The following PVT1 variants were observed in gnomAD, a reference collection of about 807,000 sequenced individuals.
PVT1 encodes Pvt1 oncogene, also known as CXCR4/PVT1 fusion.
chr8:128,036,552 G>A (rs1056687900), intron 4 of PVT1, among the ~76,000 whole-genome samples: 12 of 152,276 alleles, frequency 7.9e-5, no homozygotes, highest in African/African-American at 2.9e-4. Context: ...CAGCGCTTCT[G>A]GGGGGCTGGG....
At chr8:128,052,792 C>G (rs1813714266) in intron 4 of PVT1, among the ~76,000 whole-genome samples, 1 of 152,138 alleles carries the variant, frequency 6.6e-6, no homozygotes, top group Non-Finnish European at 1.5e-5. Flanking sequence ...TTATGTTTAC[C>G]AAATTATTTT....
chr8:127,798,704 CAAAAA>C (rs71300266), intron 2 of PVT1, among the ~76,000 whole-genome samples: 2 of 110,484 alleles, frequency 1.8e-5, no homozygotes, highest in Admixed American at 1.0e-4. Context: ...ACTAAAAATA[CAAAAA>C]AAAAAAAAAA....
At chr8:127,858,390 G>C (rs1815183482) in intron 2 of PVT1, among the ~76,000 whole-genome samples, 1 of 150,880 alleles carries the variant, frequency 6.6e-6, no homozygotes, top group African/African-American at 2.4e-5. Flanking sequence ...CTGGGTGACA[G>C]AGTGAGACTC....
rs568464097 is a variant in PVT1, at chr8:127,981,482, G to A, written n.783-7680G>A. ...ACCCAAGTGATCAGAACGCTTTTAC[G>A]GAAAACAATGGCTTTGATGTTCTGG... is the stretch of plus-strand genomic sequence containing the variant. On this transcript the variant is annotated intron_variant and non_coding_transcript_variant, in intron 3 of 10. Coordinates refer to ENST00000651587, the Ensembl canonical transcript of PVT1. 4.0e-4 allele frequency among the ~76,000 whole-genome samples: 61 copies of A among 152,304 alleles called. 1 individual carries two copies. Among genetic ancestry groups the A allele is most frequent in the East Asian group, 3.9e-4 (2 of 5,188 alleles).
intron 6 of PVT1, among the ~76,000 whole-genome samples, chr8:128,096,989 A>G (rs1048072262): frequency 1.3e-5 from 2 of 152,152 alleles, no homozygotes; most frequent in Admixed American, 1.3e-4. Flanking sequence ...ACTGCTTCCA[A>G]CTGAAACCAG....
At chr8:127,981,959 AG>A (rs901410101) in intron 3 of PVT1, among the ~76,000 whole-genome samples, 6 of 152,186 alleles carry the variant, frequency 3.9e-5, no homozygotes, top group African/African-American at 1.4e-4. Flanking sequence ...TTCCTGGGAC[AG>A]TGGTGGTCCT....
intron 5 of PVT1, among the ~76,000 whole-genome samples, chr8:128,085,288 C>T (rs1426992284): frequency 6.6e-6 from 1 of 152,156 alleles, no homozygotes. Flanking sequence ...GCCCGGCTGA[C>T]ATCTGACTAC....
At chr8:127,913,726 C>G (rs1035103128) in intron 3 of PVT1, among the ~76,000 whole-genome samples, 1 of 152,152 alleles carries the variant, frequency 6.6e-6, no homozygotes, top group Non-Finnish European at 1.5e-5. Context: ...TTGAAATCAC[C>G]TACTCAGACA....
At chr8:127,910,175 A>G (rs1815877316) in intron 3 of PVT1, among the ~76,000 whole-genome samples, 1 of 152,144 alleles carries the variant, frequency 6.6e-6, no homozygotes, top group African/African-American at 2.4e-5. Flanking sequence ...AGTGTCCATC[A>G]TGGACGTGGG....
intron 3 of PVT1, among the ~76,000 whole-genome samples, chr8:127,961,054 CAGGGTGTGGACTT>C (rs138423917): frequency 0.019 from 2,821 of 152,066 alleles, 93 homozygotes; most frequent in African/African-American, 0.064. Context: ...CAGAAGGGCC[CAGGGTGTGGACTT>C]AGGGTGGTCA....
At chr8:128,039,622 G>A (rs950692351) in intron 4 of PVT1, among the ~76,000 whole-genome samples, 8 of 152,230 alleles carry the variant, frequency 5.3e-5, no homozygotes, top group African/African-American at 1.9e-4. Flanking sequence ...ATAGGGATGA[G>A]ATGGCTCAGA....
At chr8:128,033,917 T>C (rs950133333) in intron 4 of PVT1, among the ~76,000 whole-genome samples, 6 of 152,208 alleles carry the variant, frequency 3.9e-5, no homozygotes, top group Non-Finnish European at 5.9e-5. Context: ...CACTTTTGCT[T>C]GCTTTCCCAT....
intron 2 of PVT1, among the ~76,000 whole-genome samples, chr8:127,889,763 C>G (rs900438474): frequency 1.4e-4 from 22 of 152,142 alleles, no homozygotes; most frequent in African/African-American, 4.3e-4. Flanking sequence ...TCCACTGCTT[C>G]ATCTGGAAAA....
chr8:127,815,116 C>T (rs1814644155), intron 2 of PVT1, among the ~76,000 whole-genome samples: 1 of 152,298 alleles, frequency 6.6e-6, no homozygotes, highest in African/African-American at 2.4e-5. Flanking sequence ...TAGTCGTGCA[C>T]CACCACGCGT....
chr8:128,002,937 CCCT>C (rs1416258742), intron 4 of PVT1, among the ~76,000 whole-genome samples: 4 of 138,720 alleles, frequency 2.9e-5, no homozygotes, highest in African/African-American at 1.1e-4. Flanking sequence ...CTCCCTGTCT[CCCT>C]CCCTCTCTGC....
intron 4 of PVT1, among the ~76,000 whole-genome samples, chr8:127,997,053 TTTTG>T (rs1205696836): frequency 1.5e-5 from 2 of 134,200 alleles, no homozygotes; most frequent in African/African-American, 5.5e-5. Context: ...CGTTTTTTTT[TTTTG>T]TTTGTTTGTT....
At chr8:127,831,773 G>C (rs1292218037) in intron 2 of PVT1, among the ~76,000 whole-genome samples, 1 of 152,192 alleles carries the variant, frequency 6.6e-6, no homozygotes, top group Non-Finnish European at 1.5e-5. Context: ...ACACAGAAGT[G>C]ACTGTTAGAT....
At chr8:128,031,216 C>T (rs978022701) in intron 4 of PVT1, among the ~76,000 whole-genome samples, 11 of 152,170 alleles carry the variant, frequency 7.2e-5, no homozygotes, top group Admixed American at 2.0e-4. Flanking sequence ...TGGCGGGTGG[C>T]GGGTGGCTGG....
intron 2 of PVT1, among the ~76,000 whole-genome samples, chr8:127,797,191 C>G (rs1430862830): frequency 6.6e-6 from 1 of 152,022 alleles, no homozygotes; most frequent in Admixed American, 6.6e-5. Flanking sequence ...GACCACCATG[C>G]CTGGCTAATT....
Sources: gnomAD v4.1 joint callset for allele counts (sites outside exome capture counted in the v4.1 genomes callset) on GRCh38, gnomAD v4.1.1 for gene constraint, MANE v1.5 for transcripts, NCBI Gene and HGNC (gene_info 2026-07-23, HGNC 2026-07-21) for gene names.